ARB2A: variants seen among roughly 807,000 people sequenced by gnomAD.
ARB2A encodes cotranscriptional regulator ARB2A.
At chr5:93,770,845 GA>G in the ARB2A span, among the ~76,000 whole-genome samples, 14 of 152,150 alleles carry the variant, frequency 9.2e-5, no homozygotes, top group Non-Finnish European at 1.8e-4. Context: ...TCATGGGTAG[GA>G]AGAATCAATA....
chr5:93,799,816 T>A, the ARB2A span, among the ~76,000 whole-genome samples: 1 of 152,088 alleles, frequency 6.6e-6, no homozygotes, highest in Non-Finnish European at 1.5e-5. Context: ...TTACTAAAGA[T>A]CTGAGATGAA....
chr5:93,903,775 G>C, the ARB2A span, among the ~76,000 whole-genome samples: 1 of 151,110 alleles, frequency 6.6e-6, no homozygotes, highest in African/African-American at 2.4e-5. Flanking sequence ...GATAGTCCTA[G>C]CCACATAGCA....
At chr5:94,004,121 C>T in the ARB2A span, among the ~76,000 whole-genome samples, 1 of 152,100 alleles carries the variant, frequency 6.6e-6, no homozygotes, top group African/African-American at 2.4e-5. Context: ...AGTGCTGGAG[C>T]AACTGGACAG....
the ARB2A span, among the ~76,000 whole-genome samples, chr5:93,880,339 C>T: frequency 4.0e-5 from 6 of 151,180 alleles, no homozygotes; most frequent in African/African-American, 1.5e-4. Flanking sequence ...AGCACAATTC[C>T]AAAAAGTAGA....
the ARB2A span, among the ~76,000 whole-genome samples, chr5:93,810,328 TGTCA>T: frequency 6.6e-6 from 1 of 152,018 alleles, no homozygotes; most frequent in South Asian, 2.1e-4. Flanking sequence ...TCTTTCTATC[TGTCA>T]AACAAGGCTC....
At chr5:93,879,358 T>G in the ARB2A span, among the ~76,000 whole-genome samples, 3 of 152,036 alleles carry the variant, frequency 2.0e-5, no homozygotes, top group Non-Finnish European at 4.4e-5. Context: ...AAACATTTCA[T>G]AACTAAGACC....
the ARB2A span, chr5:93,620,829 A>T: frequency 1.0e-6 from 1 of 961,592 alleles, no homozygotes; most frequent in Non-Finnish European, 1.5e-6. Context: ...GCACTCATCT[A>T]GAAATAATGC....
the ARB2A span, among the ~76,000 whole-genome samples, chr5:93,848,059 G>T: frequency 6.6e-6 from 1 of 152,084 alleles, no homozygotes; most frequent in Non-Finnish European, 1.5e-5. Flanking sequence ...CAAAATCATC[G>T]AAACTGAAAT....
At chr5:93,922,676 G>GAGGGAGGA in the ARB2A span, among the ~76,000 whole-genome samples, 1 of 97,564 alleles carries the variant, frequency 1.0e-5, no homozygotes, top group African/African-American at 4.0e-5. Context: ...GGGAGGGAGG[G>GAGGGAGGA]AGGGAGGGAG....
the ARB2A span, among the ~76,000 whole-genome samples, chr5:94,010,529 A>C: frequency 6.6e-6 from 1 of 152,136 alleles, no homozygotes; most frequent in Middle Eastern, 3.2e-3. Context: ...CTTAGCTTCA[A>C]GCAGTTGATG....
At chr5:93,946,039 T>C in the ARB2A span, among the ~76,000 whole-genome samples, 1 of 152,144 alleles carries the variant, frequency 6.6e-6, no homozygotes, top group Non-Finnish European at 1.5e-5. Context: ...CTATGTCTTT[T>C]GAATCTTTAA....
chr5:93,986,190 G>A, the ARB2A span, among the ~76,000 whole-genome samples: 2 of 136,866 alleles, frequency 1.5e-5, no homozygotes, highest in African/African-American at 2.8e-5. Context: ...GCCTGGCCGC[G>A]ACCCCGTCTG....
At chr5:93,889,455 C>A in the ARB2A span, among the ~76,000 whole-genome samples, 1 of 151,622 alleles carries the variant, frequency 6.6e-6, no homozygotes, top group African/African-American at 2.4e-5. Flanking sequence ...TCTCATACTT[C>A]TTCTGCTAAA....
At chr5:94,044,330 G>A in the ARB2A span, among the ~76,000 whole-genome samples, 16 of 152,272 alleles carry the variant, frequency 1.1e-4, no homozygotes, top group East Asian at 1.2e-3. Flanking sequence ...CTTACTCAAT[G>A]TTTTCCTAAA....
chr5:93,941,348 G>GA, the ARB2A span, among the ~76,000 whole-genome samples: 9 of 147,228 alleles, frequency 6.1e-5, no homozygotes, highest in South Asian at 2.1e-4. Context: ...ATAAAAGGAA[G>GA]AAAAAAAAAA....
chr5:94,015,512 T>C, the ARB2A span, among the ~76,000 whole-genome samples: 1 of 152,148 alleles, frequency 6.6e-6, no homozygotes, highest in Non-Finnish European at 1.5e-5. Flanking sequence ...AATACTCTAA[T>C]ACAGTAATTG....
the ARB2A span, among the ~76,000 whole-genome samples, chr5:93,811,658 G>A: frequency 9.7e-4 from 148 of 152,094 alleles, no homozygotes; most frequent in African/African-American, 3.5e-3. Context: ...TACTTTTAAC[G>A]GGAAAAATAT....
At chr5:94,006,910 A>G in the ARB2A span, among the ~76,000 whole-genome samples, 1 of 152,236 alleles carries the variant, frequency 6.6e-6, no homozygotes, top group Admixed American at 6.5e-5. Flanking sequence ...TTTCAAAATT[A>G]CAACTAAAAT....
the ARB2A span, among the ~76,000 whole-genome samples, chr5:93,915,332 C>T: frequency 6.6e-6 from 1 of 151,706 alleles, no homozygotes; most frequent in African/African-American, 2.4e-5. Context: ...AGACAAGTTG[C>T]ATTTTTCTAA....
Sources: gnomAD v4.1 joint callset for allele counts (sites outside exome capture counted in the v4.1 genomes callset) on GRCh38, gnomAD v4.1.1 for gene constraint, MANE v1.5 for transcripts, NCBI Gene and HGNC (gene_info 2026-07-23, HGNC 2026-07-21) for gene names.